Variants in CCDC85C observed in about 807,000 individuals in gnomAD.
The protein encoded by CCDC85C is coiled-coil domain-containing protein 85C.
A neutral mutation model predicts 38.3 loss-of-function variants in CCDC85C; 18 were observed. The ratio of observed to expected loss-of-function variants is 0.47; its 90% CI spans 0.33 to 0.70. CCDC85C has a LOEUF of 0.70. CCDC85C is among the 30% of genes least tolerant of loss of function. The pLI is 0.03. For synonymous variants in CCDC85C, 264 were observed against 293.8 expected (o/e 0.90, Z 1.04); for missense variants, 566 against 621.2 (o/e 0.91, Z 0.94).
rs935635324 is a variant in CCDC85C at position 99,509,359 on chromosome 14, T to C, written c.*5887A>G. The stretch of plus-strand genomic sequence containing the variant: ...TGACCCGGGATCACAGGCCAAAACA[T>C]GTTAAATAAGGCTTTGGCAGAAGGG... On this transcript the variant is annotated 3_prime_UTR_variant, in exon 6 of 6. Coordinates refer to ENST00000380243, the MANE Select transcript of CCDC85C (RefSeq NM_001144995.2). The C allele has an allele frequency of 6.6e-6, 1 of 152,222 alleles. No homozygotes were observed. Among genetic ancestry groups the C allele is most frequent in the African/African-American group, 2.4e-5 (1 of 41,432 alleles). The allele number at this position is 152,222 out of a possible 1,614,324, so 9.4% of individuals were successfully genotyped here.
At chr14:99,584,458 A>G (rs558105673) in intron 1 of CCDC85C, among the ~76,000 whole-genome samples, 2 of 152,214 alleles carry the variant, frequency 1.3e-5, no homozygotes, top group African/African-American at 4.8e-5. Flanking sequence ...GCACACAAGC[A>G]TCCTTGCCAC....
intron 1 of CCDC85C, among the ~76,000 whole-genome samples, chr14:99,599,326 G>C (rs112922639): frequency 2.7e-4 from 41 of 152,226 alleles, no homozygotes; most frequent in African/African-American, 9.6e-4. Flanking sequence ...AAAGGGGAGT[G>C]GACCGTGGAG....
At chr14:99,563,540 G>C (rs1595088066) in intron 1 of CCDC85C, among the ~76,000 whole-genome samples, 1 of 152,280 alleles carries the variant, frequency 6.6e-6, no homozygotes, top group African/African-American at 2.4e-5. Flanking sequence ...CCCCAAAGGG[G>C]GAGCCGGCAG....
chr14:99,562,909 ACACT>A (rs1427552272), intron 1 of CCDC85C, among the ~76,000 whole-genome samples: 5 of 152,160 alleles, frequency 3.3e-5, no homozygotes, highest in South Asian at 4.2e-4. Flanking sequence ...GCACACTCAC[ACACT>A]CACTCTGTCT....
Position 99,515,274 on chromosome 14 carries a change from G to C in CCDC85C, c.1232C>G (p.Ser411Cys). The C allele has an allele frequency of 6.4e-7, 1 of 1,550,810 alleles. No homozygotes were observed. The highest frequency in any genetic ancestry group is 2.4e-5 in the East Asian group (1 of 40,914). ...SSKPSIRQHL[S>C]GNQFKGPL ...CAAAGGCCCCTTGAACTGGTTCCCAGACAGGTGCTGCCGTATGGAGGGCTT... is the reference window on the plus strand; with the variant it reads ...CAAAGGCCCCTTGAACTGGTTCCCACACAGGTGCTGCCGTATGGAGGGCTT... Residue 411 changes from serine (S) to cysteine (C), a missense_variant, in exon 6 of 6, where the codon TCT becomes TGT. Physicochemically the swap from Ser to Cys is moderately radical, Grantham distance 112. Coordinates refer to ENST00000380243, the MANE Select transcript of CCDC85C (RefSeq NM_001144995.2).
At chr14:99,527,324 G>T (rs1027468199) in intron 2 of CCDC85C, among the ~76,000 whole-genome samples, 3 of 152,198 alleles carry the variant, frequency 2.0e-5, no homozygotes, top group African/African-American at 4.8e-5. Flanking sequence ...TCAAATGGGG[G>T]TGATGCCCCC....
intron 3 of CCDC85C, among the ~76,000 whole-genome samples, chr14:99,519,687 G>T (rs1210880689): frequency 6.6e-6 from 1 of 152,212 alleles, no homozygotes; most frequent in African/African-American, 2.4e-5. Context: ...GGAATCATGT[G>T]TTCCACCCAC....
At position 99,535,167 on chromosome 14, in the gene CCDC85C, G is replaced by T. The variant is rs1429066169; in HGVS notation, c.867+848C>A. On this transcript the variant is annotated intron_variant, in intron 2 of 5. Transcript: ENST00000380243. This position sits in a 1 kb window ranked among gnomAD's most constrained non-coding sequence, Gnocchi z 5.5. ...AGCCTGGCTGGTCACCTAGCAACAG[G>T]GCCAGGCAGCTGAGCCATCCCTGCG... 5.7e-6 allele frequency: 1 copy of T among 174,538 alleles called. No individual in the cohort carries two copies. The highest frequency in any genetic ancestry group is 1.2e-5 in the Non-Finnish European group (1 of 82,398). The allele number at this position is 174,538 out of a possible 1,614,324, so 10.8% of individuals were successfully genotyped here.
At chr14:99,534,057 T>C (rs1313964735) in intron 2 of CCDC85C, among the ~76,000 whole-genome samples, 1 of 152,090 alleles carries the variant, frequency 6.6e-6, no homozygotes, top group South Asian at 2.1e-4. Context: ...ACATTTCTCA[T>C]AGAAATAACA....
chr14:99,603,814 T>C lies in CCDC85C; in HGVS notation c.146A>G (p.His49Arg). Reference protein sequence around the residue: ...EGEKVGLMLEHGGLMRDVNRR... With the variant: ...EGEKVGLMLERGGLMRDVNRR... Reference sequence around the variant, plus strand: ...GTTCACGTCGCGCATCAGGCCGCCGTGCTCCAGCATGAGGCCCACCTTCTC... The same window carrying C: ...GTTCACGTCGCGCATCAGGCCGCCGCGCTCCAGCATGAGGCCCACCTTCTC... The change falls in exon 1 of 6, where the codon CAC (histidine) becomes CGC (arginine). Residue 49 changes from histidine (H) to arginine (R), a missense_variant. His to Arg is a conservative substitution (Grantham distance 29). Coordinates refer to ENST00000380243, the MANE Select transcript of CCDC85C (RefSeq NM_001144995.2). This position sits in a 1 kb window ranked among gnomAD's most constrained non-coding sequence, Gnocchi z 7.5. The C allele has an allele frequency of 6.6e-7, 1 of 1,524,948 alleles. No individual in the cohort carries two copies. The highest frequency in any genetic ancestry group is 8.8e-7 in the Non-Finnish European group (1 of 1,142,322). 94.5% of individuals were successfully genotyped at this position (1,524,948 alleles called of 1,614,324 possible).
intron 1 of CCDC85C, among the ~76,000 whole-genome samples, chr14:99,600,243 C>T (rs1054796404): frequency 6.6e-6 from 1 of 151,366 alleles, no homozygotes; most frequent in African/African-American, 2.4e-5. Flanking sequence ...GTGTGTAGAT[C>T]CTGACCTCAC....
chr14:99,517,675 T>C (rs1348730295), intron 3 of CCDC85C, among the ~76,000 whole-genome samples: 1 of 152,180 alleles, frequency 6.6e-6, no homozygotes, highest in Non-Finnish European at 1.5e-5. Flanking sequence ...GCCTCCCAGC[T>C]GCCACCTCCC....
At chr14:99,529,360 TTGTG>T (rs555477281) in intron 2 of CCDC85C, among the ~76,000 whole-genome samples, 4 of 151,268 alleles carry the variant, frequency 2.6e-5, no homozygotes, top group African/African-American at 4.9e-5. Flanking sequence ...GTGTGCAGTT[TTGTG>T]TGTGTGTGTG....
At chr14:99,570,745 G>T (rs978601164) in intron 1 of CCDC85C, among the ~76,000 whole-genome samples, 2 of 152,102 alleles carry the variant, frequency 1.3e-5, no homozygotes, top group Non-Finnish European at 2.9e-5. Context: ...CAGAAAGTGT[G>T]GAGCTCACAG....
chr14:99,529,805 C>T (rs532537192), intron 2 of CCDC85C, among the ~76,000 whole-genome samples: 1 of 152,246 alleles, frequency 6.6e-6, no homozygotes, highest in African/African-American at 2.4e-5. Context: ...AAACTGGCAT[C>T]AGGCGGAGGC....
chr14:99,517,629 C>T (rs8004539), intron 3 of CCDC85C, among the ~76,000 whole-genome samples: 13,600 of 152,260 alleles, frequency 0.089, 1,327 homozygotes, highest in African/African-American at 0.25. Flanking sequence ...CACCGGTGGG[C>T]GAGGCCGGCT....
chr14:99,525,672 G>A (rs918651781), intron 2 of CCDC85C, among the ~76,000 whole-genome samples: 15 of 152,218 alleles, frequency 9.9e-5, no homozygotes, highest in African/African-American at 3.6e-4. Context: ...AGTGAGGGCT[G>A]GGGGTGCGGG....
At chr14:99,537,353 TG>T (rs1395566526) in intron 1 of CCDC85C, among the ~76,000 whole-genome samples, 12 of 152,050 alleles carry the variant, frequency 7.9e-5, no homozygotes, top group African/African-American at 2.9e-4. Flanking sequence ...TTAACATGCC[TG>T]GGGGGACAGG....
chr14:99,570,868 C>T (rs1038519668), intron 1 of CCDC85C, among the ~76,000 whole-genome samples: 1 of 28,192 alleles, frequency 3.5e-5, no homozygotes, highest in Non-Finnish European at 7.5e-5. Context: ...CACAGGCAAC[C>T]AACTGGCCTG....
Sources: gnomAD v4.1 joint callset for allele counts (sites outside exome capture counted in the v4.1 genomes callset) on GRCh38, gnomAD v4.1.1 for gene constraint, Gnocchi (gnomAD v3.1) non-coding constraint, MANE v1.5 for transcripts, NCBI Gene and HGNC (gene_info 2026-07-23, HGNC 2026-07-21) for gene names.